The following FAM135A variants were observed in gnomAD, a reference collection of about 807,000 sequenced individuals.
FAM135A encodes protein FAM135A.
Under a neutral mutation model 146.8 loss-of-function variants are expected in FAM135A, and 79 were observed. The ratio of observed to expected loss-of-function variants is 0.54; its 90% CI spans 0.45 to 0.65. The LOEUF (loss-of-function observed/expected upper bound fraction) is 0.65. Ranked by LOEUF, FAM135A falls within the 30% of genes least tolerant of loss-of-function variation. FAM135A has a pLI of 0.00. For synonymous variants in FAM135A, 562 were observed against 603.6 expected (o/e 0.93, Z 1.01); for missense variants, 1,623 against 1,758.2 (o/e 0.92, Z 1.38).
chr6:70,530,152 A>T (rs1457067931), intron 16 of FAM135A, among the ~76,000 whole-genome samples: 1 of 152,192 alleles, frequency 6.6e-6, no homozygotes, highest in Non-Finnish European at 1.5e-5. Flanking sequence ...TACTATAACA[A>T]ATAAGGTTTA....
At chr6:70,542,277 C>CACACACACACACACACACA (rs35407465) in intron 20 of FAM135A, among the ~76,000 whole-genome samples, 2 of 146,856 alleles carry the variant, frequency 1.4e-5, no homozygotes, top group African/African-American at 5.3e-5. Flanking sequence ...CACACACACA[C>CACACACACACACACACACA]CCTTTGCTGT....
At position 70,477,414 on chromosome 6, in the gene FAM135A, A is replaced by G. The variant is rs796377910; in HGVS notation, c.542+82A>G. 1.2e-5 allele frequency: 17 copies of G among 1,413,452 alleles called. No homozygotes were observed. The African/African-American group carries it at 1.7e-4, about 14-fold the overall frequency. 87.6% of individuals were successfully genotyped at this position (1,413,452 alleles called of 1,614,324 possible). ...CCTGAGACTGGTCAATTTATAAATA[A>G]AAGAGGTTTAATTGGGTCATGGTTC... On this transcript the variant is annotated intron_variant, in intron 8 of 21. Transcript: ENST00000418814.
At chr6:70,431,408 A>C (rs1391184103) in intron 4 of FAM135A, among the ~76,000 whole-genome samples, 1 of 152,148 alleles carries the variant, frequency 6.6e-6, no homozygotes, top group Admixed American at 6.5e-5. Context: ...GGGCAGTCTC[A>C]GTTCTGTTTC....
chr6:70,533,192 T>TA lies in FAM135A; in HGVS notation c.3809dup (p.Tyr1270Ter), dbSNP rs1413064612. The change falls in exon 17 of 22, where the codon TAC becomes TAAC. Residue 1270 changes from tyrosine (Y) to a stop codon, truncating the protein, a stop_gained and frameshift_variant. Coordinates refer to ENST00000418814, the MANE Select transcript of FAM135A (RefSeq NM_001162529.3). LOFTEE classifies it high-confidence loss of function. ...TGCAGATCTCCGATTAGTAAAAACT[T>TA]ACATTGAACTTGGATTGCCTGGGGG... The part of the protein sequence containing the change: ...NSADLRLVKT[Y>*]IELGLPGGRI... The TA allele has an allele frequency of 5.0e-6, 8 of 1,613,054 alleles. No homozygotes were observed. Among genetic ancestry groups the TA allele is most frequent in the Non-Finnish European group, 6.8e-6 (8 of 1,179,476 alleles).
rs1561976384 is a variant in FAM135A at position 70,525,972 on chromosome 6, CAGCAATTACATTA to C, written c.2890_2902del (p.Ala964IlefsTer4). 3 of 1,613,194 alleles carry C rather than the reference CAGCAATTACATTA, an allele frequency of 1.9e-6. No individual in the cohort carries two copies. The highest frequency in any genetic ancestry group is 2.5e-6 in the Non-Finnish European group (3 of 1,179,596). On this transcript the variant is annotated frameshift_variant, in exon 15 of 22. Coordinates refer to ENST00000418814, the MANE Select transcript of FAM135A (RefSeq NM_001162529.3). LOFTEE classifies it high-confidence loss of function. ...GATAAATCTAATAACTCTACAGGGACAGCAATTACATTAAATTCAAAACTGATTTGTTTAGGCA... is the reference window on the plus strand; with the variant it reads ...GATAAATCTAATAACTCTACAGGGACAATTCAAAACTGATTTGTTTAGGCA...
intron 11 of FAM135A, among the ~76,000 whole-genome samples, chr6:70,493,526 C>T (rs1786528725): frequency 6.6e-6 from 1 of 152,072 alleles, no homozygotes; most frequent in South Asian, 2.1e-4. Context: ...TATTATAATG[C>T]GTCTTGAGAC....
chr6:70,448,897 G>A (rs1776415976), intron 4 of FAM135A, among the ~76,000 whole-genome samples: 1 of 152,134 alleles, frequency 6.6e-6, no homozygotes, highest in African/African-American at 2.4e-5. Context: ...TCTGCCCTGG[G>A]TGGGCCAGGT....
chr6:70,490,081 G>A (rs191434025), intron 10 of FAM135A, among the ~76,000 whole-genome samples: 1 of 152,190 alleles, frequency 6.6e-6, no homozygotes, highest in East Asian at 1.9e-4. Flanking sequence ...AAATTTAAAT[G>A]TTTATCATTT....
intron 5 of FAM135A, among the ~76,000 whole-genome samples, chr6:70,470,558 T>C (rs924718422): frequency 1.3e-5 from 2 of 152,220 alleles, no homozygotes; most frequent in African/African-American, 2.4e-5. Context: ...GATTTCGCCA[T>C]GTTGGCCAGG....
At chr6:70,509,483 A>C (rs1664407946) in intron 12 of FAM135A, among the ~76,000 whole-genome samples, 1 of 152,192 alleles carries the variant, frequency 6.6e-6, no homozygotes, top group South Asian at 2.1e-4. Flanking sequence ...TTCATCTAAA[A>C]ATTGAAAGGA....
intron 4 of FAM135A, 137 bp from the exon 5 acceptor site, chr6:70,452,354 CA>C: frequency 1.7e-6 from 1 of 602,592 alleles, no homozygotes; most frequent in Non-Finnish European, 2.8e-6. Flanking sequence ...TTTTTTTTTC[CA>C]ACAATAGTAA....
At chr6:70,530,214 C>T (rs1239464576) in intron 16 of FAM135A, among the ~76,000 whole-genome samples, 1 of 152,026 alleles carries the variant, frequency 6.6e-6, no homozygotes, top group Admixed American at 6.6e-5. Context: ...TAATAAAATA[C>T]CCTACATCAG....
intron 12 of FAM135A, among the ~76,000 whole-genome samples, chr6:70,520,027 G>A (rs1260721967): frequency 2.0e-5 from 3 of 151,928 alleles, no homozygotes; most frequent in African/African-American, 4.8e-5. Context: ...AAGACCTCAA[G>A]TATTAATTTT....
In FAM135A at chr6:70,475,819, C is replaced by T. The variant is rs1183115212; in HGVS notation, c.368+86C>T. On this transcript the variant is annotated intron_variant, in intron 7 of 21. Transcript: ENST00000418814. Reference sequence around the variant, plus strand: ...GATTGCCCATTTTCCTCTTAAAATTCATCCTATCCCTATCTTGTCTTGAAC... The same window carrying T: ...GATTGCCCATTTTCCTCTTAAAATTTATCCTATCCCTATCTTGTCTTGAAC... 3 of 1,031,430 alleles carry T rather than the reference C, an allele frequency of 2.9e-6. No individual in the cohort carries two copies. In the African/African-American group the frequency reaches 4.9e-5, roughly 17 times the overall value. 63.9% of individuals were successfully genotyped at this position (1,031,430 alleles called of 1,614,324 possible).
At chr6:70,518,046 A>C (rs1561955705) in intron 12 of FAM135A, among the ~76,000 whole-genome samples, 1 of 152,224 alleles carries the variant, frequency 6.6e-6, no homozygotes, top group Non-Finnish European at 1.5e-5. Flanking sequence ...TTAGGGAGGA[A>C]GGCATGTCGA....
At chr6:70,457,983 A>G (rs1778691475) in intron 5 of FAM135A, among the ~76,000 whole-genome samples, 1 of 152,114 alleles carries the variant, frequency 6.6e-6, no homozygotes, top group African/African-American at 2.4e-5. Context: ...GTGATCTGAT[A>G]GTTTACTAGT....
chr6:70,433,700 C>A (rs1772299174), intron 4 of FAM135A, among the ~76,000 whole-genome samples: 1 of 152,042 alleles, frequency 6.6e-6, no homozygotes, highest in Non-Finnish European at 1.5e-5. Context: ...ACAGGCTAGG[C>A]TGGGCTTAAA....
intron 18 of FAM135A, 94 bp from the exon 19 acceptor site, chr6:70,536,166 G>T: frequency 8.4e-7 from 1 of 1,189,700 alleles, no homozygotes; most frequent in Non-Finnish European, 1.1e-6. Context: ...TTTTCAAATT[G>T]TTAGTATTCA....
At chr6:70,492,028 A>G (rs1786093997) in intron 11 of FAM135A, among the ~76,000 whole-genome samples, 1 of 151,926 alleles carries the variant, frequency 6.6e-6, no homozygotes, top group Non-Finnish European at 1.5e-5. Context: ...GCTTGTTTTT[A>G]AAATCATTTC....
Sources: allele counts gnomAD v4.1 joint callset (sites outside exome capture counted in the v4.1 genomes callset), GRCh38; gene constraint gnomAD v4.1.1; transcripts MANE v1.5; gene names NCBI Gene and HGNC (gene_info 2026-07-23, HGNC 2026-07-21).